The following GPR39 variants were observed in gnomAD, a reference collection of about 807,000 sequenced individuals.
GPR39 encodes G protein-coupled receptor 39, also known as zinc sensing receptor.
A neutral mutation model predicts 18.4 loss-of-function variants in GPR39; 23 were observed. That is an observed-to-expected ratio of 1.25 (90% CI 0.90 to 1.77). The LOEUF (loss-of-function observed/expected upper bound fraction) is 1.77, where lower values mean the gene tolerates loss of function less well. Ranked by LOEUF, GPR39 falls within the 40% of genes most tolerant of loss-of-function variation. The pLI is 0.00. For synonymous variants in GPR39, 280 were observed against 257.9 expected (o/e 1.09, Z -0.82); for missense variants, 647 against 602.4 (o/e 1.07, Z -0.78).
chr2:132,478,306 C>T (rs189374171), intron 1 of GPR39, among the ~76,000 whole-genome samples: 69 of 152,264 alleles, frequency 4.5e-4, no homozygotes, highest in African/African-American at 1.5e-3. Flanking sequence ...TAGTGCCGGG[C>T]ACAGGATAGG....
At chr2:132,563,649 C>A (rs1456680701) in intron 1 of GPR39, among the ~76,000 whole-genome samples, 1 of 152,202 alleles carries the variant, frequency 6.6e-6, no homozygotes, top group East Asian at 1.9e-4. Flanking sequence ...AGCTTCTCAA[C>A]CCTGGCTGCT....
chr2:132,635,880 T>C (rs1172688027), intron 1 of GPR39, among the ~76,000 whole-genome samples: 1 of 152,164 alleles, frequency 6.6e-6, no homozygotes, highest in Admixed American at 6.5e-5. Context: ...ATACCCTTAC[T>C]TCTGCCATGT....
intron 1 of GPR39, among the ~76,000 whole-genome samples, chr2:132,479,571 GGGGTTTGATCA>G (rs1343257884): frequency 2.0e-5 from 3 of 152,258 alleles, no homozygotes; most frequent in African/African-American, 7.2e-5. Flanking sequence ...CAGCAGGGAA[GGGGTTTGATCA>G]GAAACAGGAA....
Position 132,646,284 on chromosome 2 carries a change from T to C in GPR39, c.*678T>C. On this transcript the variant is annotated 3_prime_UTR_variant, in exon 2 of 2. Coordinates refer to ENST00000329321, the MANE Select transcript of GPR39 (RefSeq NM_001508.3). The stretch of plus-strand genomic sequence containing the variant: ...CAGGACTTGCGGTACATGATCCCTG[T>C]AACACAGACCCAAAGGAGCTGAGTT... 2.7e-6 allele frequency: 4 copies of C among 1,486,566 alleles called. No homozygotes were observed. Among genetic ancestry groups the C allele is most frequent in the Non-Finnish European group, 2.7e-6 (3 of 1,111,624 alleles). The allele number at this position is 1,486,566 out of a possible 1,614,324, so 92.1% of individuals were successfully genotyped here.
At chr2:132,557,603 GAGAGA>G (rs1183130688) in intron 1 of GPR39, among the ~76,000 whole-genome samples, 1 of 151,750 alleles carries the variant, frequency 6.6e-6, no homozygotes, top group Non-Finnish European at 1.5e-5. Context: ...GAGAGAGAGA[GAGAGA>G]GAGAGAGAGA....
chr2:132,494,538 G>T (rs1308606213), intron 1 of GPR39, among the ~76,000 whole-genome samples: 1 of 152,120 alleles, frequency 6.6e-6, no homozygotes, highest in African/African-American at 2.4e-5. Context: ...CTTATACCAG[G>T]CATGATTAGG....
chr2:132,646,193 A>C lies in GPR39; in HGVS notation c.*587A>C, dbSNP rs377192632. 1 of 1,609,648 alleles carries C rather than the reference A, an allele frequency of 6.2e-7. No individual in the cohort carries two copies. Among genetic ancestry groups the C allele is most frequent in the Admixed American group, 1.7e-5 (1 of 59,518 alleles). ...GCAGCAGCTGATGCAAACTGAGTTC[A>C]GTTTCCCTGGGGAGCAGAAGGACTG... On this transcript the variant is annotated 3_prime_UTR_variant, in exon 2 of 2. Transcript: ENST00000329321.
At chr2:132,625,085 T>C (rs1366590192) in intron 1 of GPR39, among the ~76,000 whole-genome samples, 1 of 151,994 alleles carries the variant, frequency 6.6e-6, no homozygotes, top group African/African-American at 2.4e-5. Context: ...TTTTTTTTTT[T>C]TTTGCTTCTA....
At chr2:132,522,796 C>A (rs1224686634) in intron 1 of GPR39, among the ~76,000 whole-genome samples, 3 of 152,210 alleles carry the variant, frequency 2.0e-5, no homozygotes, top group Admixed American at 2.0e-4. Flanking sequence ...GACTCAGGAG[C>A]CTCCATGTGG....
chr2:132,483,022 T>C (rs993431067), intron 1 of GPR39, among the ~76,000 whole-genome samples: 1 of 152,184 alleles, frequency 6.6e-6, no homozygotes, highest in African/African-American at 2.4e-5. Flanking sequence ...AGAGCCAGAT[T>C]GCCTGAGTTC....
intron 1 of GPR39, among the ~76,000 whole-genome samples, chr2:132,501,054 G>GTTTTTTTTTTTTTTTTTTTGTTTTTGTT (rs1679022477): frequency 1.1e-5 from 1 of 90,326 alleles, no homozygotes; most frequent in African/African-American, 4.1e-5. Flanking sequence ...TATCTTTTGT[G>GTTTTTTTTTTTTTTTTTTTGTTTTTGTT]TTTTTTTTTT....
intron 1 of GPR39, among the ~76,000 whole-genome samples, chr2:132,450,540 C>A (rs569699443): frequency 2.6e-4 from 40 of 152,194 alleles, no homozygotes; most frequent in Non-Finnish European, 4.4e-4. Flanking sequence ...TGTAAGGTAC[C>A]AGAAACAGTG....
intron 1 of GPR39, among the ~76,000 whole-genome samples, chr2:132,567,010 A>G (rs1296499558): frequency 6.6e-6 from 1 of 152,150 alleles, no homozygotes; most frequent in Non-Finnish European, 1.5e-5. Flanking sequence ...TCATGTTGAA[A>G]CTTAATCCCC....
At chr2:132,607,958 G>T (rs894805347) in intron 1 of GPR39, among the ~76,000 whole-genome samples, 12 of 152,290 alleles carry the variant, frequency 7.9e-5, no homozygotes, top group Middle Eastern at 3.4e-3. Flanking sequence ...AGCTAGAAAA[G>T]AAGGCAAGAG....
chr2:132,422,209 T>C (rs1369202284), intron 1 of GPR39, among the ~76,000 whole-genome samples: 2 of 152,228 alleles, frequency 1.3e-5, no homozygotes, highest in African/African-American at 4.8e-5. Flanking sequence ...TGGAAGCACC[T>C]ATCCTTGCAT....
At chr2:132,515,003 C>G (rs2104761879) in intron 1 of GPR39, among the ~76,000 whole-genome samples, 1 of 152,274 alleles carries the variant, frequency 6.6e-6, no homozygotes, top group Admixed American at 6.5e-5. Flanking sequence ...GAAAAAAACA[C>G]AGTAATATAT....
chr2:132,568,036 C>T (rs996630147), intron 1 of GPR39, among the ~76,000 whole-genome samples: 3 of 152,072 alleles, frequency 2.0e-5, no homozygotes, highest in Non-Finnish European at 2.9e-5. Context: ...TCTTTATCTG[C>T]TGGTGACACT....
intron 1 of GPR39, among the ~76,000 whole-genome samples, chr2:132,593,767 A>T (rs999535894): frequency 6.6e-6 from 1 of 152,030 alleles, no homozygotes; most frequent in Admixed American, 6.6e-5. Flanking sequence ...TCCTGGTTGG[A>T]GGATGAAAAC....
intron 1 of GPR39, among the ~76,000 whole-genome samples, chr2:132,528,315 C>T (rs950917272): frequency 2.6e-5 from 4 of 152,192 alleles, no homozygotes; most frequent in Non-Finnish European, 5.9e-5. Context: ...AAGTACCATG[C>T]TGTTCTGGTT....
Sources: gnomAD v4.1 joint callset for allele counts (sites outside exome capture counted in the v4.1 genomes callset) on GRCh38, gnomAD v4.1.1 for gene constraint, MANE v1.5 for transcripts, NCBI Gene and HGNC (gene_info 2026-07-23, HGNC 2026-07-21) for gene names.